Variants in PTPRT observed in about 807,000 individuals in gnomAD.
The protein encoded by PTPRT is receptor-type tyrosine-protein phosphatase T.
A neutral mutation model predicts 176.8 loss-of-function variants in PTPRT; 56 were observed. The observed-to-expected ratio is 0.32, with a 90% CI of 0.26 to 0.40. PTPRT has a LOEUF of 0.40. Ranked by LOEUF, PTPRT falls within the 10% of genes least tolerant of loss-of-function variation. The probability of loss-of-function intolerance (pLI) is 1.00; values close to 1 mark genes in which losing one functional copy is unlikely to be tolerated. For synonymous variants in PTPRT, 783 were observed against 739.0 expected (o/e 1.06, Z -0.96); for missense variants, 1,540 against 1,908.2 (o/e 0.81, Z 3.60).
At chr20:42,788,119 C>T (rs538783267) in intron 3 of PTPRT, among the ~76,000 whole-genome samples, 7 of 152,134 alleles carry the variant, frequency 4.6e-5, no homozygotes, top group Admixed American at 2.6e-4. Flanking sequence ...GTTAGTGACA[C>T]GTGTTAAAAA....
intron 1 of PTPRT, among the ~76,000 whole-genome samples, chr20:42,981,373 A>G (rs957636807): frequency 2.0e-5 from 3 of 152,240 alleles, no homozygotes; most frequent in Admixed American, 6.5e-5. Flanking sequence ...ATTGTTTGCA[A>G]TATCTACTTC....
intron 16 of PTPRT, among the ~76,000 whole-genome samples, chr20:42,161,868 C>A (rs943099710): frequency 1.3e-5 from 2 of 152,150 alleles, no homozygotes; most frequent in Non-Finnish European, 2.9e-5. Flanking sequence ...GCTAGGCAGG[C>A]TATTTATTGG....
chr20:42,910,587 T>C (rs559375991), intron 1 of PTPRT, among the ~76,000 whole-genome samples: 38 of 152,230 alleles, frequency 2.5e-4, no homozygotes, highest in Admixed American at 2.2e-3. Flanking sequence ...ACTAAACAGA[T>C]CACTGAGAGT....
At chr20:42,837,044 A>C (rs2078193124) in intron 2 of PTPRT, among the ~76,000 whole-genome samples, 1 of 152,158 alleles carries the variant, frequency 6.6e-6, no homozygotes, top group African/African-American at 2.4e-5. Context: ...AATGACAGGC[A>C]CTTCTTGAGG....
chr20:43,171,729 G>A (rs1237153385), intron 1 of PTPRT, among the ~76,000 whole-genome samples: 1 of 152,218 alleles, frequency 6.6e-6, no homozygotes, highest in Non-Finnish European at 1.5e-5. Context: ...CAGTGGATCT[G>A]CTATGGAGCC....
intron 16 of PTPRT, among the ~76,000 whole-genome samples, chr20:42,171,933 T>C (rs933580289): frequency 2.6e-5 from 4 of 151,998 alleles, no homozygotes; most frequent in Admixed American, 6.6e-5. Context: ...AAATAAATTA[T>C]AAAGAATGAC....
At chr20:42,629,189 C>CTT (rs201612893) in intron 7 of PTPRT, among the ~76,000 whole-genome samples, 1 of 140,572 alleles carries the variant, frequency 7.1e-6, no homozygotes. Flanking sequence ...AGTGAGGATG[C>CTT]TTTTTTTTTT....
At chr20:42,876,302 C>G (rs761175474) in intron 2 of PTPRT, among the ~76,000 whole-genome samples, 3 of 152,124 alleles carry the variant, frequency 2.0e-5, no homozygotes, top group Non-Finnish European at 2.9e-5. Context: ...TGATTAAGGA[C>G]ACTTAAAGGC....
chr20:42,263,348 C>T (rs1291483428), intron 13 of PTPRT, among the ~76,000 whole-genome samples: 1 of 145,776 alleles, frequency 6.9e-6, no homozygotes, highest in Non-Finnish European at 1.5e-5. Context: ...GTTAGGGCCA[C>T]AGGCATGCGC....
chr20:42,707,661 A>C (rs2076081496), intron 6 of PTPRT, among the ~76,000 whole-genome samples: 1 of 152,164 alleles, frequency 6.6e-6, no homozygotes, highest in South Asian at 2.1e-4. Context: ...AGCAACAAGG[A>C]TGAGCCTAGA....
rs1273588119 is a variant in PTPRT at position 42,634,021 on chromosome 20, T to A, written c.1153+43845A>T. 7.3e-4 allele frequency among the ~76,000 whole-genome samples: 21 copies of A among 28,794 alleles called. No homozygotes were observed. The East Asian group carries it at 0.019, about 27-fold the overall frequency. 18.9% of individuals were successfully genotyped at this position (28,794 alleles called of 152,430 possible). On this transcript the variant is annotated intron_variant, in intron 7 of 30. Transcript: ENST00000373187. ...ATATTATATATATATAATATATATA[T>A]AATATATATATTATATATATTATAT... is the stretch of plus-strand genomic sequence containing the variant.
chr20:42,287,067 C>G (rs1054818163), intron 12 of PTPRT, among the ~76,000 whole-genome samples: 1 of 151,660 alleles, frequency 6.6e-6, no homozygotes, highest in Admixed American at 6.6e-5. Flanking sequence ...GTTAAGATGG[C>G]TATTACAAAA....
intron 9 of PTPRT, among the ~76,000 whole-genome samples, chr20:42,366,787 C>T (rs6016762): frequency 0.011 from 1,641 of 152,232 alleles, 30 homozygotes; most frequent in African/African-American, 0.035. Flanking sequence ...AAGCTGATTG[C>T]GAAGGCTATA....
intron 7 of PTPRT, among the ~76,000 whole-genome samples, chr20:42,653,743 ACTGT>A (rs1490683347): frequency 7.2e-5 from 11 of 152,306 alleles, no homozygotes; most frequent in Admixed American, 4.6e-4. Flanking sequence ...ATAATTTATC[ACTGT>A]CTGTGGTTTC....
chr20:43,065,538 G>T (rs1224238197), intron 1 of PTPRT, among the ~76,000 whole-genome samples: 1 of 152,220 alleles, frequency 6.6e-6, no homozygotes, highest in Non-Finnish European at 1.5e-5. Context: ...GTGTCTCACA[G>T]AAGGCAGTTA....
chr20:43,104,092 A>G (rs569626037), intron 1 of PTPRT, among the ~76,000 whole-genome samples: 32 of 152,322 alleles, frequency 2.1e-4, no homozygotes, highest in African/African-American at 6.0e-4. Context: ...CAGAAGAAAG[A>G]TGATCATTAC....
chr20:42,784,277 G>A (rs1222232509), intron 3 of PTPRT, among the ~76,000 whole-genome samples: 3 of 152,298 alleles, frequency 2.0e-5, no homozygotes, highest in South Asian at 2.1e-4. Flanking sequence ...AACAGACCTG[G>A]TGTTTTAACC....
intron 2 of PTPRT, among the ~76,000 whole-genome samples, chr20:42,836,078 C>T (rs762774942): frequency 6.6e-6 from 1 of 152,056 alleles, no homozygotes; most frequent in Admixed American, 6.6e-5. Context: ...TGGGGTCAGC[C>T]ACCTCTCCCT....
intron 6 of PTPRT, among the ~76,000 whole-genome samples, chr20:42,691,108 C>T (rs555992712): frequency 3.3e-5 from 5 of 152,286 alleles, no homozygotes; most frequent in Admixed American, 6.5e-5. Context: ...GTATCACGTT[C>T]GATAAAATCA....
Sources: gnomAD v4.1 joint callset for allele counts (sites outside exome capture counted in the v4.1 genomes callset) on GRCh38, gnomAD v4.1.1 for gene constraint, MANE v1.5 for transcripts, NCBI Gene and HGNC (gene_info 2026-07-23, HGNC 2026-07-21) for gene names.